Variants in HTR2C observed in about 807,000 individuals in gnomAD.
The protein encoded by HTR2C is 5-hydroxytryptamine receptor 2C, also known as 5-hydroxytryptamine (serotonin) receptor 2C, G protein-coupled.
Under a neutral mutation model 21.0 loss-of-function variants are expected in HTR2C, and 5 were observed. That is an observed-to-expected ratio of 0.24 (90% CI 0.12 to 0.50). HTR2C has a LOEUF of 0.50. Among genes scored for constraint, HTR2C ranks in the 20% least tolerant of loss-of-function variants. The pLI is 0.98. For synonymous variants in HTR2C, 150 were observed against 145.3 expected (o/e 1.03, Z -0.23); for missense variants, 271 against 371.2 (o/e 0.73, Z 2.22).
chrX:114,663,983 G>A (rs979431539), intron 2 of HTR2C, among the ~76,000 whole-genome samples: 1 of 111,643 alleles, frequency 9.0e-6, no homozygotes, highest in Non-Finnish European at 1.9e-5. Context: ...TTGTGAAGAA[G>A]ACTGACAGGA....
intron 2 of HTR2C, among the ~76,000 whole-genome samples, chrX:114,623,602 G>T (rs886569278): frequency 1.8e-5 from 2 of 111,579 alleles, no homozygotes; most frequent in African/African-American, 6.5e-5. Flanking sequence ...CCTGGATAAT[G>T]AACTTGATGT....
chrX:114,714,100 A>C (rs1932939140), intron 2 of HTR2C, among the ~76,000 whole-genome samples: 1 of 112,053 alleles, frequency 8.9e-6, no homozygotes, highest in African/African-American at 3.2e-5. Context: ...GTTATAAAAT[A>C]GGCATATCAG....
At chrX:114,650,089 G>A (rs781826946) in intron 2 of HTR2C, among the ~76,000 whole-genome samples, 6 of 111,839 alleles carry the variant, frequency 5.4e-5, no homozygotes, top group Non-Finnish European at 1.1e-4. Context: ...TCTGGAGAAT[G>A]AACACAAAGT....
intron 4 of HTR2C, among the ~76,000 whole-genome samples, chrX:114,831,529 A>G (rs1383700618): frequency 3.4e-5 from 3 of 89,479 alleles, no homozygotes; most frequent in East Asian, 3.9e-4. Flanking sequence ...TCCTTTGCCC[A>G]CTTTTTGATG....
intron 2 of HTR2C, among the ~76,000 whole-genome samples, chrX:114,623,239 C>G (rs1184409298): frequency 1.8e-5 from 2 of 111,876 alleles, no homozygotes; most frequent in African/African-American, 3.2e-5. Flanking sequence ...TCCACAGTCC[C>G]CTGAGTCCTA....
chrX:114,883,588 C>A (rs2071198567), intron 5 of HTR2C, among the ~76,000 whole-genome samples: 1 of 109,339 alleles, frequency 9.1e-6, no homozygotes, highest in African/African-American at 3.3e-5. Flanking sequence ...GTAGTTGCAT[C>A]CAGTAAGTTT....
At chrX:114,637,196 A>G (rs1199617154) in intron 2 of HTR2C, among the ~76,000 whole-genome samples, 1 of 111,818 alleles carries the variant, frequency 8.9e-6, no homozygotes, top group African/African-American at 3.3e-5. Context: ...TAAAAGTGTT[A>G]AATCAGAGAT....
chrX:114,809,973 G>T (rs994402185), intron 4 of HTR2C, among the ~76,000 whole-genome samples: 3 of 111,576 alleles, frequency 2.7e-5, no homozygotes, highest in Admixed American at 1.9e-4. Context: ...AGGGACAAAA[G>T]GTTCTTTAGT....
chrX:114,906,698 C>T lies in HTR2C; in HGVS notation c.660C>T (p.Phe220=), dbSNP rs781957272. The stretch of plus-strand genomic sequence containing the variant: ...CAAATTTCGTTCTTATTGGGTCCTT[C>T]GTAGCTTTCTTCATACCGCTGACGA... ...NDPNFVLIGS[F]VAFFIPLTIM... The change falls in exon 6 of 6, where the codon TTC becomes TTT. Residue 220 remains phenylalanine, a synonymous_variant. Coordinates refer to ENST00000276198, the MANE Select transcript of HTR2C (RefSeq NM_000868.4). The T allele has an allele frequency of 1.9e-5, 23 of 1,208,785 alleles. No individual in the cohort carries two copies. In the Admixed American group the frequency reaches 3.7e-4, roughly 20 times the overall value.
chrX:114,777,451 T>C (rs1556438929), intron 4 of HTR2C, among the ~76,000 whole-genome samples: 2 of 112,304 alleles, frequency 1.8e-5, no homozygotes, highest in Non-Finnish European at 1.9e-5. Flanking sequence ...ATTTAAATAA[T>C]TTAAAAGGGT....
intron 4 of HTR2C, among the ~76,000 whole-genome samples, chrX:114,742,436 T>C (rs2069657731): frequency 9.0e-6 from 1 of 111,070 alleles, no homozygotes; most frequent in Non-Finnish European, 1.9e-5. Context: ...GAAAACAAAA[T>C]ACATTGAATC....
intron 2 of HTR2C, among the ~76,000 whole-genome samples, chrX:114,646,672 G>A (rs782632075): frequency 5.4e-5 from 6 of 111,985 alleles, no homozygotes; most frequent in African/African-American, 1.9e-4. Context: ...AAACTTTTTA[G>A]TTTGATGCAA....
chrX:114,859,593 T>A (rs910192851), intron 5 of HTR2C, among the ~76,000 whole-genome samples: 11 of 111,169 alleles, frequency 9.9e-5, no homozygotes, highest in African/African-American at 3.6e-4. Context: ...CTTTTTGTGT[T>A]TAGTTTACTA....
chrX:114,869,327 C>T (rs1474440539), intron 5 of HTR2C, among the ~76,000 whole-genome samples: 4 of 111,755 alleles, frequency 3.6e-5, no homozygotes, highest in Non-Finnish European at 3.8e-5. Context: ...TTTATAGTAG[C>T]ATGATTTATA....
intron 4 of HTR2C, among the ~76,000 whole-genome samples, chrX:114,736,503 G>C (rs781786740): frequency 9.0e-5 from 10 of 111,574 alleles, no homozygotes; most frequent in African/African-American, 3.3e-4. Flanking sequence ...ACAAAGAAAT[G>C]GCAGTTAAGA....
At position 114,638,700 on chromosome X, in the gene HTR2C, A is replaced by T. The variant is rs782696075; in HGVS notation, c.-80+24819A>T. Among the ~76,000 whole-genome samples the T allele has an allele frequency of 6.5e-3, 441 of 67,764 alleles. 6 individuals carry two copies. The highest frequency in any genetic ancestry group is 0.026 in the African/African-American group (432 of 16,884). 58.8% of individuals were successfully genotyped at this position (67,764 alleles called of 115,157 possible). A position where few individuals can be genotyped will look rare whatever the true frequency, so the allele number is the denominator to read the frequency against. On this transcript the variant is annotated intron_variant, in intron 2 of 5. Coordinates refer to ENST00000276198, the MANE Select transcript of HTR2C (RefSeq NM_000868.4). ...CTCCCCCCACCCCACCACAGTCCCCAGAGTGTGATATTCCCCTTCCTGTGT... is the reference window on the plus strand; with the variant it reads ...CTCCCCCCACCCCACCACAGTCCCCTGAGTGTGATATTCCCCTTCCTGTGT...
intron 2 of HTR2C, chrX:114,652,591 T>C (rs1556408665): frequency 8.9e-6 from 3 of 336,361 alleles, no homozygotes. Flanking sequence ...TATGGTCTAA[T>C]AGTTTTAAAG....
chrX:114,621,557 G>T (rs1278735293), intron 2 of HTR2C, among the ~76,000 whole-genome samples: 4 of 112,081 alleles, frequency 3.6e-5, no homozygotes, highest in Non-Finnish European at 7.5e-5. Context: ...CAACCACCCT[G>T]CTATGGTATA....
intron 2 of HTR2C, among the ~76,000 whole-genome samples, chrX:114,673,954 C>A (rs1268737799): frequency 1.8e-5 from 2 of 111,402 alleles, no homozygotes; most frequent in Admixed American, 9.6e-5. Flanking sequence ...AATAAGAAAG[C>A]ACATCAGACA....
Sources: allele counts gnomAD v4.1 joint callset (sites outside exome capture counted in the v4.1 genomes callset), GRCh38; gene constraint gnomAD v4.1.1; transcripts MANE v1.5; gene names NCBI Gene and HGNC (gene_info 2026-07-23, HGNC 2026-07-21).